AGBL1: variants seen among roughly 807,000 people sequenced by gnomAD.
AGBL1 encodes cytosolic carboxypeptidase 4.
Under a neutral mutation model 118.9 loss-of-function variants are expected in AGBL1, and 130 were observed. That is an observed-to-expected ratio of 1.09 (90% CI 0.95 to 1.26). The LOEUF is 1.26. Among genes scored for constraint, AGBL1 ranks in the 50% most tolerant of loss-of-function variants. AGBL1 has a pLI of 0.00. For missense variants in AGBL1, 1,584 were observed against 1,298.1 expected, an observed-to-expected ratio of 1.22 and a Z score of -3.38; for synonymous variants, 555 against 478.9, an observed-to-expected ratio of 1.16 and a Z score of -2.08.
intron 22 of AGBL1, among the ~76,000 whole-genome samples, chr15:86,873,970 T>G (rs1163392698): frequency 6.6e-6 from 1 of 152,126 alleles, no homozygotes; most frequent in Non-Finnish European, 1.5e-5. Flanking sequence ...AAAACTTGGC[T>G]CTATTACCTA....
chr15:86,640,245 C>G (rs1194277238), intron 21 of AGBL1, among the ~76,000 whole-genome samples: 1 of 152,054 alleles, frequency 6.6e-6, no homozygotes, highest in African/African-American at 2.4e-5. Flanking sequence ...ATTTATGTGT[C>G]ATTCCTATGT....
chr15:86,894,224 A>G (rs759990155), intron 22 of AGBL1, among the ~76,000 whole-genome samples: 10 of 152,208 alleles, frequency 6.6e-5, no homozygotes, highest in Admixed American at 1.3e-4. Flanking sequence ...TGATTTCTGC[A>G]TGATGCTATA....
intron 1 of AGBL1, among the ~76,000 whole-genome samples, chr15:86,137,351 A>G (rs1237790035): frequency 1.3e-5 from 2 of 152,016 alleles, no homozygotes; most frequent in Non-Finnish European, 2.9e-5. Flanking sequence ...CTTCTTTCCT[A>G]TTTTTCAAGA....
intron 22 of AGBL1, among the ~76,000 whole-genome samples, chr15:86,749,827 T>C (rs149633043): frequency 0.019 from 2,895 of 152,304 alleles, 101 homozygotes; most frequent in African/African-American, 0.066. Context: ...GATTTGCGTA[T>C]GTTGAACCAG....
At chr15:86,395,969 A>G (rs954316531) in intron 17 of AGBL1, among the ~76,000 whole-genome samples, 13 of 151,790 alleles carry the variant, frequency 8.6e-5, no homozygotes, top group African/African-American at 3.1e-4. Flanking sequence ...TAGATTCTGT[A>G]TGAGTAAGAT....
At chr15:86,349,747 A>G (rs2080596524) in intron 17 of AGBL1, among the ~76,000 whole-genome samples, 1 of 152,184 alleles carries the variant, frequency 6.6e-6, no homozygotes, top group African/African-American at 2.4e-5. Context: ...CTTAAGTTTG[A>G]GATGTCTGTG....
At chr15:86,173,108 G>A (rs566539056) in intron 5 of AGBL1, 2 of 152,098 alleles carry the variant, frequency 1.3e-5, no homozygotes, top group East Asian at 3.9e-4. Flanking sequence ...ATTCGTGATA[G>A]TGAGCATTTT....
At chr15:86,243,020 G>T (rs1397885712) in intron 6 of AGBL1, among the ~76,000 whole-genome samples, 1 of 152,138 alleles carries the variant, frequency 6.6e-6, no homozygotes, top group Non-Finnish European at 1.5e-5. Flanking sequence ...AGGAGCTGGG[G>T]TTAGACAAAA....
chr15:86,201,428 C>T (rs1221944047), intron 5 of AGBL1, among the ~76,000 whole-genome samples: 1 of 152,156 alleles, frequency 6.6e-6, no homozygotes, highest in Non-Finnish European at 1.5e-5. Flanking sequence ...AGCACAGTGT[C>T]CTGAAGCCAT....
At chr15:87,005,744 C>A (rs1430331688) in intron 24 of AGBL1, among the ~76,000 whole-genome samples, 1 of 152,190 alleles carries the variant, frequency 6.6e-6, no homozygotes, top group Non-Finnish European at 1.5e-5. Flanking sequence ...TGAGGAGGTG[C>A]ATTCCTTTGG....
intron 22 of AGBL1, among the ~76,000 whole-genome samples, chr15:86,830,185 A>G (rs1452995944): frequency 6.6e-6 from 1 of 152,154 alleles, no homozygotes; most frequent in East Asian, 1.9e-4. Context: ...TAAAGAATAC[A>G]ATTTGATGAA....
intron 22 of AGBL1, among the ~76,000 whole-genome samples, chr15:86,685,927 T>C (rs1001972803): frequency 1.1e-4 from 17 of 152,194 alleles, no homozygotes; most frequent in Admixed American, 1.3e-4. Context: ...CTTCCTGTAA[T>C]TTCAGTACAA....
chr15:86,509,458 G>A (rs771782622), intron 18 of AGBL1, among the ~76,000 whole-genome samples: 29 of 152,082 alleles, frequency 1.9e-4, no homozygotes, highest in Non-Finnish European at 4.1e-4. Flanking sequence ...GATGAGACTA[G>A]TTTGTAGAAA....
chr15:86,834,681 A>G (rs2079148408), intron 22 of AGBL1, among the ~76,000 whole-genome samples: 1 of 152,004 alleles, frequency 6.6e-6, no homozygotes, highest in Non-Finnish European at 1.5e-5. Context: ...TTGCCCAGTT[A>G]CCACTAGGGA....
At chr15:86,381,116 C>A (rs2081108638) in intron 17 of AGBL1, among the ~76,000 whole-genome samples, 1 of 152,178 alleles carries the variant, frequency 6.6e-6, no homozygotes. Context: ...GCAATCACAA[C>A]CCACATTAAA....
In AGBL1 at chr15:86,613,155, C is replaced by T. The variant is rs1236680660; in HGVS notation, c.2994+58618C>T. Among the ~76,000 whole-genome samples the T allele has an allele frequency of 6.6e-6, 1 of 152,178 alleles. No homozygotes were observed. The highest frequency in any genetic ancestry group is 1.5e-5 in the Non-Finnish European group (1 of 68,042). On this transcript the variant is annotated intron_variant, in intron 21 of 22. Transcript: ENST00000614907. The surrounding 1 kb of genome is among the most constrained non-coding windows in gnomAD (Gnocchi z 4.2). The stretch of plus-strand genomic sequence containing the variant: ...GGTTCTTAACCGTGGCAAAATAAAT[C>T]TCTAAATTGATTAAGACTTGTCTCA...
chr15:86,735,012 T>G (rs1361531224), intron 22 of AGBL1, among the ~76,000 whole-genome samples: 3 of 149,868 alleles, frequency 2.0e-5, no homozygotes, highest in Non-Finnish European at 2.9e-5. Context: ...GCTCATACCT[T>G]GATATGTTCA....
intron 1 of AGBL1, among the ~76,000 whole-genome samples, chr15:86,133,669 A>C (rs1225241065): frequency 1.3e-5 from 2 of 152,124 alleles, no homozygotes; most frequent in Admixed American, 6.5e-5. Flanking sequence ...TACCCTTTTT[A>C]CCGAGGAGGA....
At chr15:86,453,402 T>C (rs776001465) in intron 18 of AGBL1, among the ~76,000 whole-genome samples, 2 of 152,158 alleles carry the variant, frequency 1.3e-5, no homozygotes, top group African/African-American at 2.4e-5. Context: ...GTATTAATAA[T>C]ACAAAATACA....
Sources: allele counts gnomAD v4.1 joint callset (sites outside exome capture counted in the v4.1 genomes callset), GRCh38; gene constraint gnomAD v4.1.1; non-coding constraint Gnocchi (gnomAD v3.1); transcripts MANE v1.5; gene names NCBI Gene and HGNC (gene_info 2026-07-23, HGNC 2026-07-21).